The following SESN1 variants were observed in gnomAD, a reference collection of about 807,000 sequenced individuals.
The protein encoded by SESN1 is sestrin 1.
SESN1 carries 30 observed loss-of-function variants against 59.3 expected under a neutral mutation model. That is an observed-to-expected ratio of 0.51 (90% CI 0.38 to 0.69). SESN1 has a LOEUF of 0.69. SESN1 is among the 30% of genes least tolerant of loss of function. The pLI, the probability that SESN1 is intolerant of heterozygous loss-of-function variation, is 0.00. For missense variants in SESN1, 566 were observed against 673.0 expected, an observed-to-expected ratio of 0.84 and a Z score of 1.76; for synonymous variants, 197 against 219.9, an observed-to-expected ratio of 0.90 and a Z score of 0.92.
At chr6:109,026,575 C>T (rs1010699114) in intron 1 of SESN1, among the ~76,000 whole-genome samples, 3 of 152,088 alleles carry the variant, frequency 2.0e-5, no homozygotes, top group African/African-American at 7.2e-5. Flanking sequence ...CGGCTCACTG[C>T]AACCTTCTCC....
chr6:109,087,839 C>T lies in SESN1; in HGVS notation c.279+5956G>A, dbSNP rs376354916. On this transcript the variant is annotated intron_variant, in intron 1 of 9. Coordinates refer to ENST00000436639, the MANE Select transcript of SESN1 (RefSeq NM_014454.3). ...AATCGGATCCAAATTATAAATAGAC[C>T]AAGTGATATATTATCTAGTTAGATA... Among the ~76,000 whole-genome samples the T allele has an allele frequency of 8.6e-5, 13 of 151,644 alleles. No individual in the cohort carries two copies. The South Asian group carries it at 2.3e-3, about 27-fold the overall frequency.
At chr6:109,082,777 T>C (rs541204611) in intron 1 of SESN1, among the ~76,000 whole-genome samples, 3 of 152,320 alleles carry the variant, frequency 2.0e-5, no homozygotes, top group South Asian at 2.1e-4. Context: ...CAATTAGGGA[T>C]TTTCAATACA....
chr6:109,011,462 T>A, intron 1 of SESN1, among the ~76,000 whole-genome samples: 1 of 152,144 alleles, frequency 6.6e-6, no homozygotes. Flanking sequence ...GATTCCTTTA[T>A]GGTCTCTATA....
intron 5 of SESN1, 153 bp downstream of exon 5, chr6:108,998,360 G>T: frequency 2.5e-6 from 2 of 784,340 alleles, no homozygotes; most frequent in Non-Finnish European, 4.0e-6. Context: ...ATGTGAGGCA[G>T]TCAATAAAAC....
rs569063528 is a variant in SESN1, at chr6:108,988,698, A to G, written c.1425-11T>C. The G allele has an allele frequency of 1.1e-5, 17 of 1,584,916 alleles. No individual in the cohort carries two copies. The South Asian group carries it at 1.8e-4, about 17-fold the overall frequency. On this transcript the variant is annotated splice_polypyrimidine_tract_variant and intron_variant, in intron 8 of 9. Transcript: ENST00000436639. ...TCATAATCATCATATCTGTTGAAAG[A>G]CATAATGAGAATTATGATATTTTCA... is the stretch of plus-strand genomic sequence containing the variant.
At chr6:109,000,792 A>G (rs1273420345) in intron 3 of SESN1, 119 bp from the exon 4 acceptor site, 3 of 786,918 alleles carry the variant, frequency 3.8e-6, no homozygotes, top group African/African-American at 3.6e-5. Flanking sequence ...AATTTTCCGT[A>G]AACTACAGAA....
chr6:108,998,857 C>CA, intron 4 of SESN1, 102 bp from the exon 5 acceptor site: 1 of 1,322,922 alleles, frequency 7.6e-7, no homozygotes, highest in Non-Finnish European at 1.0e-6. Flanking sequence ...AGTCATCATA[C>CA]AAAGCCTAGC....
intron 1 of SESN1, among the ~76,000 whole-genome samples, chr6:109,077,829 G>A (rs1280271864): frequency 1.3e-5 from 2 of 152,076 alleles, no homozygotes; most frequent in Non-Finnish European, 2.9e-5. Flanking sequence ...TGTAACCCAT[G>A]GAAACACTGC....
intron 1 of SESN1, among the ~76,000 whole-genome samples, chr6:109,070,096 A>G (rs1406156430): frequency 6.6e-6 from 1 of 152,120 alleles, no homozygotes; most frequent in East Asian, 1.9e-4. Flanking sequence ...TTATTTTTTT[A>G]AATGTAGGTA....
intron 1 of SESN1, among the ~76,000 whole-genome samples, chr6:109,038,846 A>G (rs1468403848): frequency 6.6e-6 from 1 of 152,012 alleles, no homozygotes; most frequent in Non-Finnish European, 1.5e-5. Context: ...AAGAAAGGAA[A>G]AAGAAGAGCA....
rs535895241 is a variant in SESN1, at chr6:109,002,245, A to C, written c.345+33T>G. On this transcript the variant is annotated intron_variant, in intron 2 of 9. Transcript: ENST00000436639. ...CATGAAAGCTCTTCCTTAAAAGCAT[A>C]CAGTTCACTATGTACTTTCACAAAC... 3.0e-4 allele frequency: 479 copies of C among 1,585,532 alleles called. 5 individuals are homozygous for C. In the South Asian group the frequency reaches 5.1e-3, roughly 17 times the overall value.
At chr6:109,069,842 G>A (rs1583295047) in intron 1 of SESN1, among the ~76,000 whole-genome samples, 1 of 152,124 alleles carries the variant, frequency 6.6e-6, no homozygotes, top group African/African-American at 2.4e-5. Context: ...ATAGTTGTGA[G>A]CCACTGCACC....
chr6:109,044,638 T>C (rs1325900732), intron 1 of SESN1, among the ~76,000 whole-genome samples: 1 of 152,184 alleles, frequency 6.6e-6, no homozygotes, highest in African/African-American at 2.4e-5. Context: ...ATCTCAGTCC[T>C]TTCTCCTGAA....
At chr6:109,069,097 A>G (rs1780885376) in intron 1 of SESN1, among the ~76,000 whole-genome samples, 1 of 152,124 alleles carries the variant, frequency 6.6e-6, no homozygotes, top group Non-Finnish European at 1.5e-5. Flanking sequence ...AAAACATGAT[A>G]AAGTATTTTG....
intron 1 of SESN1, among the ~76,000 whole-genome samples, chr6:109,073,514 A>C (rs983055923): frequency 5.3e-5 from 8 of 152,152 alleles, no homozygotes; most frequent in African/African-American, 9.7e-5. Flanking sequence ...GACCCACAGC[A>C]CCAAAATATG....
In SESN1 at chr6:109,023,746, A is replaced by G. The variant is rs149794994; in HGVS notation, c.280-21403T>C. Among the ~76,000 whole-genome samples, 10 of 152,348 alleles carry G rather than the reference A, an allele frequency of 6.6e-5. No individual in the cohort carries two copies. In the East Asian group the frequency reaches 1.9e-3, roughly 29 times the overall value. On this transcript the variant is annotated intron_variant, in intron 1 of 9. Coordinates refer to ENST00000436639, the MANE Select transcript of SESN1 (RefSeq NM_014454.3). Reference sequence around the variant, plus strand: ...GCAACAGGTTTGGATCTAACAAAATAAAATGAGTAAAATTACCATTTGGCA... The same window carrying G: ...GCAACAGGTTTGGATCTAACAAAATGAAATGAGTAAAATTACCATTTGGCA...
chr6:108,987,389 G>C lies in SESN1; in HGVS notation c.*155C>G. Reference sequence around the variant, plus strand: ...AACAGTCACTGCTTGTGCCAGCAGTGGTTTTCCACAGAAAAATAGCAGAAA... The same window carrying C: ...AACAGTCACTGCTTGTGCCAGCAGTCGTTTTCCACAGAAAAATAGCAGAAA... On this transcript the variant is annotated 3_prime_UTR_variant, in exon 10 of 10. Transcript: ENST00000436639. The C allele has an allele frequency of 1.9e-6, 1 of 528,844 alleles. No individual in the cohort carries two copies. The highest frequency in any genetic ancestry group is 3.4e-6 in the Non-Finnish European group (1 of 296,430). The allele number at this position is 528,844 out of a possible 1,614,324, so 32.8% of individuals were successfully genotyped here.
chr6:109,055,496 A>G (rs1280313637), intron 1 of SESN1, among the ~76,000 whole-genome samples: 1 of 151,856 alleles, frequency 6.6e-6, no homozygotes, highest in African/African-American at 2.4e-5. Flanking sequence ...CCCTGTCTCT[A>G]CTAAAAATAC....
chr6:109,005,727 T>C lies in SESN1; in HGVS notation c.280-3384A>G, dbSNP rs369552620. On this transcript the variant is annotated intron_variant, in intron 1 of 9. Coordinates refer to ENST00000436639, the MANE Select transcript of SESN1 (RefSeq NM_014454.3). ...TCTCCCCTCTTCCTTAGCCTCCAAA[T>C]TGAAGAGTCCTAATCTGTAAAATAG... 1.9e-4 allele frequency among the ~76,000 whole-genome samples: 29 copies of C among 152,252 alleles called. No homozygotes were observed. In the East Asian group the frequency reaches 5.6e-3, roughly 29 times the overall value.
Sources: gnomAD v4.1 joint callset for allele counts (sites outside exome capture counted in the v4.1 genomes callset) on GRCh38, gnomAD v4.1.1 for gene constraint, MANE v1.5 for transcripts, NCBI Gene and HGNC (gene_info 2026-07-23, HGNC 2026-07-21) for gene names.